The following DNAJC17 variants were observed in gnomAD, a reference collection of about 807,000 sequenced individuals.
DNAJC17 encodes the protein DnaJ heat shock protein family (Hsp40) member C17.
Under a neutral mutation model 48.1 loss-of-function variants are expected in DNAJC17, and 35 were observed. The ratio of observed to expected loss-of-function variants is 0.73; its 90% CI spans 0.56 to 0.96. DNAJC17 has a LOEUF of 0.96. Among genes scored for constraint, DNAJC17 ranks in the 50% least tolerant of loss-of-function variants. The pLI is 0.00. For missense variants in DNAJC17, 355 were observed against 377.1 expected (o/e 0.94, Z 0.48); for synonymous variants, 117 against 142.7 (o/e 0.82, Z 1.28).
chr15:40,788,190 C>G (rs774284121), intron 1 of DNAJC17, among the ~76,000 whole-genome samples: 9 of 152,204 alleles, frequency 5.9e-5, no homozygotes, highest in Non-Finnish European at 1.3e-4. Flanking sequence ...CATCCCCTCA[C>G]TAGCAGGAAC....
chr15:40,772,959 CTTTTTT>C (rs754542485), intron 10 of DNAJC17, among the ~76,000 whole-genome samples: 1 of 133,622 alleles, frequency 7.5e-6, no homozygotes, highest in Admixed American at 7.5e-5. Flanking sequence ...AGAGTTCCTT[CTTTTTT>C]TTTTTTTTTT....
At chr15:40,774,974 TGTGGACTGAGAC>T (rs940779771) in intron 8 of DNAJC17, 45 bp downstream of exon 8, 4 of 1,568,660 alleles carry the variant, frequency 2.5e-6, no homozygotes, top group Non-Finnish European at 2.6e-6. Context: ...AGACCTAGGG[TGTGGACTGAGAC>T]GTGGACTGAG....
intron 1 of DNAJC17, among the ~76,000 whole-genome samples, chr15:40,806,101 G>A (rs964523352): frequency 1.3e-5 from 2 of 152,108 alleles, no homozygotes; most frequent in Admixed American, 1.3e-4. Flanking sequence ...CATTTCTCAA[G>A]GGCCCTCTGG....
intron 1 of DNAJC17, among the ~76,000 whole-genome samples, chr15:40,787,110 G>C (rs775579108): frequency 2.0e-5 from 3 of 152,188 alleles, no homozygotes; most frequent in Non-Finnish European, 2.9e-5. Flanking sequence ...TTCCCTAGAA[G>C]TGCTGCTCAT....
Position 40,768,812 on chromosome 15 carries a change from C to T in DNAJC17, c.793-750G>A, listed in dbSNP as rs116559032. On this transcript the variant is annotated intron_variant, in intron 10 of 10. Transcript: ENST00000220496. ...TAAACCTTTTCCTCCCTCGGTGCCG[C>T]TTAGGCTGTGTGATGATCATGTGGT... Among the ~76,000 whole-genome samples, 1,092 of 152,372 alleles carry T rather than the reference C, an allele frequency of 7.2e-3. 17 individuals are homozygous for T. Among genetic ancestry groups the T allele is most frequent in the African/African-American group, 0.025 (1,046 of 41,582 alleles).
intron 1 of DNAJC17, among the ~76,000 whole-genome samples, chr15:40,805,148 T>G (rs990780737): frequency 1.3e-5 from 2 of 151,544 alleles, no homozygotes; most frequent in Non-Finnish European, 2.9e-5. Flanking sequence ...GAGGCCGAGG[T>G]GGGAAGATCA....
Position 40,767,191 on chromosome 15 carries a change from C to A in DNAJC17, c.*749G>T, listed in dbSNP as rs1888967600. On this transcript the variant is annotated 3_prime_UTR_variant, in exon 11 of 11. Transcript: ENST00000220496. Reference sequence around the variant, plus strand: ...CTTTGTACCAGGAGCTTGCTGTGTGCCCCTCCTCACCCCCCCCATCCTGTC... The same window carrying A: ...CTTTGTACCAGGAGCTTGCTGTGTGACCCTCCTCACCCCCCCCATCCTGTC... The A allele has an allele frequency of 1.4e-6, 2 of 1,456,940 alleles. No individual in the cohort carries two copies. The highest frequency in any genetic ancestry group is 1.5e-5 in the African/African-American group (1 of 67,318). The allele number at this position is 1,456,940 out of a possible 1,614,324, so 90.3% of individuals were successfully genotyped here.
At position 40,770,248 on chromosome 15, in the gene DNAJC17, T is replaced by G; in HGVS notation, c.793-2186A>C. On this transcript the variant is annotated intron_variant, in intron 10 of 10. Transcript: ENST00000220496. The surrounding 1 kb of genome is among the most constrained non-coding windows in gnomAD (Gnocchi z 5.0). ...CTACCCTATTCAGTAACCAGGCCACTCCTGTCCCTGTGGGAAACTCTTGCT... is the reference window on the plus strand; with the variant it reads ...CTACCCTATTCAGTAACCAGGCCACGCCTGTCCCTGTGGGAAACTCTTGCT... 1.8e-6 allele frequency: 1 copy of G among 550,594 alleles called. No individual in the cohort carries two copies. The highest frequency in any genetic ancestry group is 3.0e-5 in the East Asian group (1 of 32,900). 34.1% of individuals were successfully genotyped at this position (550,594 alleles called of 1,614,324 possible).
At chr15:40,780,542 G>A (rs1051775523) in intron 1 of DNAJC17, 3 of 361,476 alleles carry the variant, frequency 8.3e-6, no homozygotes, top group Non-Finnish European at 1.1e-5. Flanking sequence ...TGGCCGGTGC[G>A]GTGGCTCACG....
At chr15:40,805,703 G>A (rs143756403) in intron 1 of DNAJC17, among the ~76,000 whole-genome samples, 37 of 150,278 alleles carry the variant, frequency 2.5e-4, no homozygotes, top group African/African-American at 9.1e-4. Context: ...GGTGGCAGGC[G>A]CCTGTAGTCC....
At chr15:40,804,712 T>C (rs1219480240) in intron 1 of DNAJC17, among the ~76,000 whole-genome samples, 3 of 152,198 alleles carry the variant, frequency 2.0e-5, no homozygotes, top group Non-Finnish European at 4.4e-5. Context: ...TTAGAAACTC[T>C]AGATTTCAGC....
intron 4 of DNAJC17, among the ~76,000 whole-genome samples, chr15:40,778,849 G>A (rs1197033518): frequency 6.6e-6 from 1 of 152,090 alleles, no homozygotes; most frequent in African/African-American, 2.4e-5. Context: ...CACAAGAATC[G>A]CCTGAACCCA....
chr15:40,774,256 T>C (rs974367978), intron 9 of DNAJC17, 100 bp downstream of exon 9: 26 of 1,349,696 alleles, frequency 1.9e-5, no homozygotes, highest in Non-Finnish European at 2.7e-5. Context: ...GGAGATTCCC[T>C]AGGAGTGCAG....
intron 10 of DNAJC17, chr15:40,772,387 C>T (rs1445264277): frequency 6.0e-6 from 1 of 167,186 alleles, no homozygotes; most frequent in East Asian, 1.9e-4. Flanking sequence ...TCCCTCTTTC[C>T]TCCTCTTGTG....
At chr15:40,794,840 C>T (rs1889907219) in intron 1 of DNAJC17, among the ~76,000 whole-genome samples, 1 of 151,980 alleles carries the variant, frequency 6.6e-6, no homozygotes, top group Non-Finnish European at 1.5e-5. Flanking sequence ...GCCTCAGCCT[C>T]CTGAGTAGCT....
intron 1 of DNAJC17, among the ~76,000 whole-genome samples, chr15:40,806,543 T>C (rs2141969326): frequency 6.6e-6 from 1 of 152,200 alleles, no homozygotes; most frequent in Admixed American, 6.5e-5. Flanking sequence ...TCTTTCTTTC[T>C]TTCTTTTTTT....
chr15:40,802,206 C>T (rs1049643042), intron 1 of DNAJC17, among the ~76,000 whole-genome samples: 7 of 149,616 alleles, frequency 4.7e-5, no homozygotes, highest in Admixed American at 2.0e-4. Flanking sequence ...ATTCTAGCTC[C>T]GTCACCCAGG....
At chr15:40,802,317 G>C (rs984160196) in intron 1 of DNAJC17, among the ~76,000 whole-genome samples, 1 of 152,014 alleles carries the variant, frequency 6.6e-6, no homozygotes, top group Non-Finnish European at 1.5e-5. Context: ...CTACAGGCAC[G>C]TGCCACCGCG....
chr15:40,795,478 C>T (rs1326343538), intron 1 of DNAJC17, among the ~76,000 whole-genome samples: 1 of 152,098 alleles, frequency 6.6e-6, no homozygotes, highest in Non-Finnish European at 1.5e-5. Context: ...GTTTGACACA[C>T]AATAGGCACT....
Sources: allele counts gnomAD v4.1 joint callset (sites outside exome capture counted in the v4.1 genomes callset), GRCh38; gene constraint gnomAD v4.1.1; non-coding constraint Gnocchi (gnomAD v3.1); transcripts MANE v1.5; gene names NCBI Gene and HGNC (gene_info 2026-07-23, HGNC 2026-07-21).